Variants in NIPAL2 observed in about 807,000 individuals in gnomAD.
NIPAL2 encodes the protein NIPA like domain containing 2, also known as NIPA-like protein 2.
In NIPAL2, 43 loss-of-function variants were observed where a neutral mutation model predicts 48.9. The ratio of observed to expected loss-of-function variants is 0.88; its 90% CI spans 0.69 to 1.13. NIPAL2 has a LOEUF of 1.13. NIPAL2 is among the 50% of genes most tolerant of loss of function. The pLI is 0.00. For synonymous variants in NIPAL2, 167 were observed against 174.6 expected (o/e 0.96, Z 0.34); for missense variants, 446 against 461.4 (o/e 0.97, Z 0.31).
At chr8:98,293,182 G>A (rs1816583163) in intron 1 of NIPAL2, among the ~76,000 whole-genome samples, 3 of 152,100 alleles carry the variant, frequency 2.0e-5, no homozygotes, top group African/African-American at 2.4e-5. Flanking sequence ...AAAAATAAAA[G>A]TATCCATGGT....
intron 8 of NIPAL2, among the ~76,000 whole-genome samples, chr8:98,201,965 A>C (rs1810822858): frequency 6.6e-6 from 1 of 152,212 alleles, no homozygotes; most frequent in Non-Finnish European, 1.5e-5. Context: ...TTACATTGAG[A>C]AATGAACTCT....
At chr8:98,195,822 C>G (rs991278926) in intron 9 of NIPAL2, 120 bp downstream of exon 9, 4 of 649,864 alleles carry the variant, frequency 6.2e-6, no homozygotes, top group Non-Finnish European at 1.0e-5. Context: ...CTTTTAGGAG[C>G]TCAGGAAACT....
chr8:98,266,787 T>G (rs973578639), intron 1 of NIPAL2, among the ~76,000 whole-genome samples: 12 of 151,232 alleles, frequency 7.9e-5, no homozygotes, highest in African/African-American at 2.7e-4. Flanking sequence ...AAAAAAAAAA[T>G]AAAGAAAGAA....
chr8:98,258,416 AG>A (rs1480923839), intron 1 of NIPAL2, among the ~76,000 whole-genome samples: 3 of 152,214 alleles, frequency 2.0e-5, no homozygotes, highest in African/African-American at 7.2e-5. Context: ...TTGGTGGTGA[AG>A]TAAGTCAGAG....
chr8:98,241,358 CCACA>C (rs1330864564), intron 3 of NIPAL2, among the ~76,000 whole-genome samples: 1 of 152,202 alleles, frequency 6.6e-6, no homozygotes, highest in African/African-American at 2.4e-5. Context: ...GTGCTCTTTT[CCACA>C]CACAATTTTA....
rs750730327 is a variant in NIPAL2, at chr8:98,236,219, A to G, written c.377-5T>C. ...TAACAGAAATAATGGCACTACCTAT[A>G]AAGAAAATGGCCATTAGTGGTAGTT... On this transcript the variant is annotated splice_region_variant and splice_polypyrimidine_tract_variant and intron_variant, in intron 3 of 10. Coordinates refer to ENST00000430223, the MANE Select transcript of NIPAL2 (RefSeq NM_001321635.2). 4 of 1,597,166 alleles carry G rather than the reference A, an allele frequency of 2.5e-6. No homozygotes were observed. Among genetic ancestry groups the G allele is most frequent in the Admixed American group, 1.7e-5 (1 of 58,402 alleles).
chr8:98,265,033 G>T (rs1327622357), intron 1 of NIPAL2, among the ~76,000 whole-genome samples: 1 of 141,286 alleles, frequency 7.1e-6, no homozygotes, highest in Non-Finnish European at 1.5e-5. Flanking sequence ...AATGGGGAAA[G>T]GATTCCCTAT....
intron 4 of NIPAL2, among the ~76,000 whole-genome samples, chr8:98,224,914 G>C (rs1399958340): frequency 6.6e-6 from 1 of 151,504 alleles, no homozygotes; most frequent in Non-Finnish European, 1.5e-5. Context: ...GTGCCACCAC[G>C]CCCAGCTAAT....
intron 4 of NIPAL2, among the ~76,000 whole-genome samples, chr8:98,224,899 A>G (rs1185680967): frequency 6.6e-6 from 1 of 151,500 alleles, no homozygotes; most frequent in Admixed American, 6.6e-5. Context: ...TGGGACTACA[A>G]GCACGTGCCA....
At chr8:98,259,070 CTTTTTT>C (rs869220202) in intron 1 of NIPAL2, among the ~76,000 whole-genome samples, 8 of 41,872 alleles carry the variant, frequency 1.9e-4, no homozygotes, top group Admixed American at 3.2e-4. Flanking sequence ...TTAAATATTC[CTTTTTT>C]TTTTTTTTTT....
intron 4 of NIPAL2, among the ~76,000 whole-genome samples, chr8:98,226,091 T>G (rs921210789): frequency 3.3e-5 from 5 of 152,132 alleles, no homozygotes; most frequent in Non-Finnish European, 7.4e-5. Context: ...TTTGTTAAAT[T>G]TATTTGATAG....
intron 3 of NIPAL2, among the ~76,000 whole-genome samples, chr8:98,243,158 A>C (rs1271340317): frequency 6.6e-6 from 1 of 152,142 alleles, no homozygotes; most frequent in East Asian, 1.9e-4. Flanking sequence ...GTTGCCCTTG[A>C]AGCTCTAATG....
intron 1 of NIPAL2, among the ~76,000 whole-genome samples, chr8:98,259,356 T>A (rs1036788853): frequency 1.3e-5 from 2 of 152,174 alleles, no homozygotes; most frequent in African/African-American, 4.8e-5. Context: ...ATTACAGGCG[T>A]GAGCCACCGC....
chr8:98,240,111 A>C (rs1299748207), intron 3 of NIPAL2, among the ~76,000 whole-genome samples: 1 of 152,256 alleles, frequency 6.6e-6, no homozygotes, highest in Non-Finnish European at 1.5e-5. Flanking sequence ...AAAACAGAAC[A>C]TAGCTGTAAA....
chr8:98,206,794 GA>G (rs931637009), intron 6 of NIPAL2, among the ~76,000 whole-genome samples: 15 of 145,782 alleles, frequency 1.0e-4, no homozygotes, highest in Non-Finnish European at 1.7e-4. Flanking sequence ...AAAAAAAAAG[GA>G]AAAAAAAATC....
chr8:98,287,544 C>T (rs1658497392), intron 1 of NIPAL2, among the ~76,000 whole-genome samples: 1 of 152,006 alleles, frequency 6.6e-6, no homozygotes, highest in Admixed American at 6.6e-5. Flanking sequence ...GAGCTGAGTC[C>T]AAAAATTACT....
At chr8:98,280,736 C>CTATATATATATATATATATATATATA (rs71572005) in intron 1 of NIPAL2, among the ~76,000 whole-genome samples, 8 of 39,022 alleles carry the variant, frequency 2.1e-4, no homozygotes, top group African/African-American at 3.5e-4. Context: ...TAGTCCATTA[C>CTATATATATATATATATATATATATA]TATATATATA....
intron 1 of NIPAL2, among the ~76,000 whole-genome samples, chr8:98,285,541 G>A (rs146222230): frequency 6.4e-4 from 97 of 152,244 alleles, no homozygotes; most frequent in African/African-American, 2.2e-3. Context: ...GGGCGAGCCT[G>A]CTAAAAGTGG....
At chr8:98,288,940 G>A (rs957066897) in intron 1 of NIPAL2, among the ~76,000 whole-genome samples, 5 of 152,172 alleles carry the variant, frequency 3.3e-5, no homozygotes, top group Non-Finnish European at 7.3e-5. Context: ...CTGACTTTGT[G>A]GCAATCACTT....
Sources: allele counts gnomAD v4.1 joint callset (sites outside exome capture counted in the v4.1 genomes callset), GRCh38; gene constraint gnomAD v4.1.1; transcripts MANE v1.5; gene names NCBI Gene and HGNC (gene_info 2026-07-23, HGNC 2026-07-21).